Variants in CDHR3 observed in about 807,000 individuals in gnomAD.
CDHR3 encodes the protein cadherin related family member 3, also known as cadherin-related family member 3.
CDHR3 carries 79 observed loss-of-function variants against 86.6 expected under a neutral mutation model. The ratio of observed to expected loss-of-function variants is 0.91; its 90% CI spans 0.76 to 1.10. The LOEUF (loss-of-function observed/expected upper bound fraction) is 1.10. Ranked by LOEUF, CDHR3 falls within the 50% of genes least tolerant of loss-of-function variation. The probability of loss-of-function intolerance (pLI) is 0.00; values close to 1 mark genes in which losing one functional copy is unlikely to be tolerated. For missense variants in CDHR3, 1,081 were observed against 1,077.6 expected, an observed-to-expected ratio of 1.00 and a Z score of -0.04; for synonymous variants, 421 against 402.4, an observed-to-expected ratio of 1.05 and a Z score of -0.55.
At chr7:105,978,922 G>A (rs1348097325) in intron 2 of CDHR3, among the ~76,000 whole-genome samples, 1 of 152,142 alleles carries the variant, frequency 6.6e-6, no homozygotes, top group African/African-American at 2.4e-5. Context: ...GAGGCTCCAG[G>A]CTTAGCAGGG....
chr7:106,014,620 G>A (rs890325907), intron 9 of CDHR3, among the ~76,000 whole-genome samples: 1 of 152,040 alleles, frequency 6.6e-6, no homozygotes, highest in Non-Finnish European at 1.5e-5. Flanking sequence ...CAACAAAGGG[G>A]ACCCCTATCT....
At chr7:106,019,263 T>A (rs1452553299) in intron 12 of CDHR3, among the ~76,000 whole-genome samples, 1 of 152,206 alleles carries the variant, frequency 6.6e-6, no homozygotes, top group African/African-American at 2.4e-5. Context: ...ATAACCCCAA[T>A]GCCTGAATAG....
At position 105,981,144 on chromosome 7, in the gene CDHR3, C is replaced by G; in HGVS notation, c.415+11C>G. On this transcript the variant is annotated intron_variant, in intron 3 of 18. Transcript: ENST00000317716. ...GCAACTTGGCAGAAGGTAGGATACA[C>G]CAGGATGTGCACTGCAGCCCAGACA... The G allele has an allele frequency of 1.2e-6, 2 of 1,612,452 alleles. No individual in the cohort carries two copies. The highest frequency in any genetic ancestry group is 1.7e-6 in the Non-Finnish European group (2 of 1,179,106).
rs1453178132 is a variant in CDHR3, at chr7:106,031,835, C to T, written c.2354-558C>T. ...AAGACATGAGCCAACTGGCCTAAGT[C>T]AATTAGTGTCTGCTGGCTCGGACAC... is the stretch of plus-strand genomic sequence containing the variant. On this transcript the variant is annotated intron_variant, in intron 18 of 18. Coordinates refer to ENST00000317716, the MANE Select transcript of CDHR3 (RefSeq NM_152750.5). Among the ~76,000 whole-genome samples the T allele has an allele frequency of 2.0e-5, 3 of 151,566 alleles. No homozygotes were observed. The South Asian group carries it at 6.2e-4, about 31-fold the overall frequency.
chr7:106,018,340 G>A (rs1461882506), intron 12 of CDHR3, among the ~76,000 whole-genome samples: 11 of 152,174 alleles, frequency 7.2e-5, no homozygotes, highest in Admixed American at 7.2e-4. Flanking sequence ...GGGCTTAAGC[G>A]ATTCTCGTGC....
At chr7:106,010,529 C>G (rs574908022) in intron 8 of CDHR3, among the ~76,000 whole-genome samples, 2 of 152,308 alleles carry the variant, frequency 1.3e-5, no homozygotes, top group Admixed American at 1.3e-4. Context: ...AATGAGGCAT[C>G]GTGGAGACTC....
chr7:106,035,603 G>A lies in CDHR3; in HGVS notation c.*2906G>A, dbSNP rs1838852858. 6.6e-6 allele frequency among the ~76,000 whole-genome samples: 1 copy of A among 152,166 alleles called. No homozygotes were observed. ...ACGGGCCTGAGCAAGTGACTCAAGG[G>A]CCCAGATACAGTCTTCTCAGTCCAA... On this transcript the variant is annotated 3_prime_UTR_variant, in exon 19 of 19. Transcript: ENST00000317716.
chr7:106,020,268 A>G (rs529223853), intron 12 of CDHR3, 105 bp from the exon 13 acceptor site: 1 of 962,232 alleles, frequency 1.0e-6, no homozygotes, highest in Non-Finnish European at 1.5e-6. Context: ...ATGTGAGTTT[A>G]AATGAGCTAA....
At chr7:106,028,428 C>A (rs1453292758) in intron 16 of CDHR3, 123 bp from the exon 17 acceptor site, 3 of 1,070,942 alleles carry the variant, frequency 2.8e-6, no homozygotes, top group Admixed American at 3.9e-5. Context: ...CAGAACAATT[C>A]TTTGCTGTGT....
intron 8 of CDHR3, among the ~76,000 whole-genome samples, chr7:106,012,649 T>C (rs10953489): frequency 0.23 from 35,668 of 151,952 alleles, 4,777 homozygotes; most frequent in African/African-American, 0.35. Context: ...TCTGACAACA[T>C]GTTAGCAGGA....
intron 1 of CDHR3, among the ~76,000 whole-genome samples, chr7:105,966,952 C>CTA (rs1174585496): frequency 9.3e-4 from 140 of 150,118 alleles, no homozygotes; most frequent in African/African-American, 3.3e-3. Context: ...ACCACAATTA[C>CTA]TTTTTTTTTT....
intron 1 of CDHR3, among the ~76,000 whole-genome samples, chr7:105,966,654 C>T (rs530695106): frequency 6.6e-6 from 1 of 152,256 alleles, no homozygotes; most frequent in Non-Finnish European, 1.5e-5. Context: ...CTACTTTTTC[C>T]GTCATGTCAC....
Position 106,007,145 on chromosome 7 carries a change from G to T in CDHR3, c.1052+2458G>T, listed in dbSNP as rs543235603. On this transcript the variant is annotated intron_variant, in intron 8 of 18. Transcript: ENST00000317716. ...AAAGCTAGAGCGGCTGGGATGCAGG[G>T]CACCAAGTCCCTAGGCTGCACACAA... Among the ~76,000 whole-genome samples the T allele has an allele frequency of 3.7e-3, 557 of 152,314 alleles. 2 individuals are homozygous for T. Among genetic ancestry groups the T allele is most frequent in the Non-Finnish European group, 4.7e-3 (318 of 68,026 alleles).
intron 3 of CDHR3, 144 bp downstream of exon 3, chr7:105,981,277 A>G (rs1311279330): frequency 4.0e-6 from 3 of 758,946 alleles, no homozygotes; most frequent in Non-Finnish European, 4.1e-6. Flanking sequence ...GAATAAATGA[A>G]ATGTCCTCCA....
intron 7 of CDHR3, among the ~76,000 whole-genome samples, chr7:106,002,156 A>T (rs1833290609): frequency 6.6e-6 from 1 of 151,476 alleles, no homozygotes; most frequent in Admixed American, 6.6e-5. Flanking sequence ...TTTGTGGGGG[A>T]TGGGTGGGGG....
At position 106,015,206 on chromosome 7, in the gene CDHR3, C is replaced by T; in HGVS notation, c.1320C>T (p.Tyr440=). ...AGGTGCAGGATGTGGCCCCCCCTTA[C>T]TATAAAAGCAAGTATCATTTTGTTT... The part of the protein sequence containing the change: ...IIQVQDVAPP[Y]YKNNVYVYIL... Residue 440 remains tyrosine (Y), a synonymous_variant, in exon 10 of 19, where the codon TAC becomes TAT. Coordinates refer to ENST00000317716, the MANE Select transcript of CDHR3 (RefSeq NM_152750.5). The T allele has an allele frequency of 1.2e-6, 2 of 1,606,494 alleles. No individual in the cohort carries two copies. Among genetic ancestry groups the T allele is most frequent in the Admixed American group, 1.7e-5 (1 of 59,248 alleles).
Position 106,028,998 on chromosome 7 carries a change from A to C in CDHR3, c.2304+416A>C, listed in dbSNP as rs868764740. Among the ~76,000 whole-genome samples, 5 of 64,586 alleles carry C rather than the reference A, an allele frequency of 7.7e-5. No individual in the cohort carries two copies. The South Asian group carries it at 2.1e-3, about 27-fold the overall frequency. 42.4% of individuals were successfully genotyped at this position (64,586 alleles called of 152,430 possible). A position where few individuals can be genotyped will look rare whatever the true frequency, so the allele number is the denominator to read the frequency against. ...TTTCTTTCTTTCTTTCTTTCTTTTT[A>C]AGACACAGTTTCACTCTGTTGCTCA... On this transcript the variant is annotated intron_variant, in intron 17 of 18. Transcript: ENST00000317716.
At chr7:106,010,239 A>G (rs1185198691) in intron 8 of CDHR3, among the ~76,000 whole-genome samples, 2 of 152,210 alleles carry the variant, frequency 1.3e-5, no homozygotes, top group Non-Finnish European at 2.9e-5. Context: ...CTAACACTGC[A>G]GAGGATCAAG....
intron 4 of CDHR3, among the ~76,000 whole-genome samples, chr7:105,993,634 C>T (rs2727762): frequency 0.29 from 41,583 of 145,348 alleles, 6,596 homozygotes; most frequent in East Asian, 0.38. Context: ...CATGATAGCA[C>T]CACTGCACTG....
Sources: gnomAD v4.1 joint callset for allele counts (sites outside exome capture counted in the v4.1 genomes callset) on GRCh38, gnomAD v4.1.1 for gene constraint, MANE v1.5 for transcripts, NCBI Gene and HGNC (gene_info 2026-07-23, HGNC 2026-07-21) for gene names.